The following CD2AP variants were observed in gnomAD, a reference collection of about 807,000 sequenced individuals.
CD2AP encodes the protein CD2 associated protein.
In CD2AP, 46 loss-of-function variants were observed where a neutral mutation model predicts 85.1. The observed-to-expected ratio is 0.54, with a 90% CI of 0.43 to 0.69. The LOEUF is 0.69. CD2AP is among the 30% of genes least tolerant of loss of function. The probability of loss-of-function intolerance (pLI) is 0.00; values close to 1 mark genes in which losing one functional copy is unlikely to be tolerated. For synonymous variants in CD2AP, 255 were observed against 252.9 expected (o/e 1.01, Z -0.08); for missense variants, 769 against 729.5 (o/e 1.05, Z -0.62).
chr6:47,574,054 A>G lies in CD2AP; in HGVS notation c.542-10A>G. The G allele has an allele frequency of 6.2e-7, 1 of 1,612,236 alleles. No individual in the cohort carries two copies. The highest frequency in any genetic ancestry group is 8.5e-7 in the Non-Finnish European group (1 of 1,178,318). The stretch of plus-strand genomic sequence containing the variant: ...AGGTGTCATTCTTCAAAAACAAATT[A>G]TTGTTTCAGAAACTGTTTTGGCTGG... On this transcript the variant is annotated splice_polypyrimidine_tract_variant and intron_variant, in intron 5 of 17. Coordinates refer to ENST00000359314, the MANE Select transcript of CD2AP (RefSeq NM_012120.3).
intron 3 of CD2AP, among the ~76,000 whole-genome samples, chr6:47,535,700 A>G (rs945633701): frequency 1.3e-5 from 2 of 152,190 alleles, no homozygotes; most frequent in African/African-American, 4.8e-5. Flanking sequence ...TCTGATGATG[A>G]TGAATTCTGA....
At chr6:47,492,614 C>G (rs980804194) in intron 1 of CD2AP, among the ~76,000 whole-genome samples, 5 of 152,058 alleles carry the variant, frequency 3.3e-5, no homozygotes, top group Non-Finnish European at 7.4e-5. Flanking sequence ...CAGGTGTGAG[C>G]TACTGTGCCT....
At chr6:47,522,928 C>T (rs1477412065) in intron 2 of CD2AP, among the ~76,000 whole-genome samples, 1 of 151,732 alleles carries the variant, frequency 6.6e-6, no homozygotes, top group Non-Finnish European at 1.5e-5. Context: ...TATATAGCTA[C>T]TTTGGAAAGT....
intron 14 of CD2AP, 169 bp from the exon 15 acceptor site, chr6:47,607,758 A>G (rs1769313955): frequency 1.9e-6 from 1 of 540,450 alleles, no homozygotes; most frequent in African/African-American, 1.9e-5. Context: ...AAGATATGCA[A>G]ATGTGTTATT....
intron 1 of CD2AP, among the ~76,000 whole-genome samples, chr6:47,487,328 C>A (rs1307209162): frequency 6.6e-6 from 1 of 152,022 alleles, no homozygotes; most frequent in Non-Finnish European, 1.5e-5. Context: ...ATTCTAAATT[C>A]CTATATGGAT....
At chr6:47,569,694 G>C (rs1472358411) in intron 5 of CD2AP, among the ~76,000 whole-genome samples, 1 of 152,046 alleles carries the variant, frequency 6.6e-6, no homozygotes, top group Non-Finnish European at 1.5e-5. Flanking sequence ...AGAAGAAAGT[G>C]CTCATTGCTG....
intron 2 of CD2AP, among the ~76,000 whole-genome samples, chr6:47,522,216 A>G (rs1338631545): frequency 1.3e-5 from 2 of 152,322 alleles, no homozygotes. Context: ...GCGCCAGAGC[A>G]CAGAGAGTCA....
At chr6:47,514,984 G>A (rs570080386) in intron 2 of CD2AP, among the ~76,000 whole-genome samples, 231 of 151,926 alleles carry the variant, frequency 1.5e-3, no homozygotes, top group African/African-American at 5.2e-3. Context: ...CCCAGGAGGC[G>A]GAGGTTGCAG....
intron 5 of CD2AP, chr6:47,562,552 A>C (rs868650491): frequency 1.6e-5 from 5 of 311,200 alleles, no homozygotes; most frequent in Non-Finnish European, 2.4e-5. Context: ...CCTTCCACCA[A>C]CAAGTCTTGC....
chr6:47,494,444 T>G (rs976459373), intron 1 of CD2AP, among the ~76,000 whole-genome samples: 3 of 152,176 alleles, frequency 2.0e-5, no homozygotes, highest in African/African-American at 4.8e-5. Flanking sequence ...TAAATCTCTG[T>G]TTTTTAGTGG....
At chr6:47,516,182 A>G (rs950256779) in intron 2 of CD2AP, among the ~76,000 whole-genome samples, 1 of 152,176 alleles carries the variant, frequency 6.6e-6, no homozygotes, top group African/African-American at 2.4e-5. Context: ...GCACAAGGAA[A>G]GACTACATCC....
At chr6:47,588,586 G>A (rs1768692287) in intron 11 of CD2AP, among the ~76,000 whole-genome samples, 1 of 152,092 alleles carries the variant, frequency 6.6e-6, no homozygotes, top group South Asian at 2.1e-4. Flanking sequence ...GCAAAGAACA[G>A]AAAATCCTTA....
intron 2 of CD2AP, among the ~76,000 whole-genome samples, chr6:47,531,799 G>A (rs1026041608): frequency 1.3e-4 from 20 of 152,054 alleles, no homozygotes; most frequent in African/African-American, 4.6e-4. Flanking sequence ...TCGGCCGGGC[G>A]TGGTGGCTCA....
intron 17 of CD2AP, among the ~76,000 whole-genome samples, chr6:47,614,410 T>A (rs1179538790): frequency 6.6e-6 from 1 of 152,168 alleles, no homozygotes; most frequent in Admixed American, 6.5e-5. Flanking sequence ...GTGTTCTATC[T>A]CAGATAATAA....
chr6:47,503,543 G>A (rs1413156842), intron 2 of CD2AP, 103 bp downstream of exon 2: 2 of 1,068,216 alleles, frequency 1.9e-6, no homozygotes, highest in East Asian at 2.6e-5. Flanking sequence ...TTAGATAAAT[G>A]TTTTCTTTGT....
At chr6:47,556,495 G>T (rs1411087849) in intron 5 of CD2AP, among the ~76,000 whole-genome samples, 1 of 151,860 alleles carries the variant, frequency 6.6e-6, no homozygotes, top group Admixed American at 6.6e-5. Flanking sequence ...TTACAGGCAT[G>T]TGCCACCACG....
At chr6:47,619,135 C>T (rs1174664779) in intron 17 of CD2AP, among the ~76,000 whole-genome samples, 1 of 152,110 alleles carries the variant, frequency 6.6e-6, no homozygotes, top group Non-Finnish European at 1.5e-5. Flanking sequence ...TGAGTAAGTT[C>T]TTTAGTGGTG....
intron 2 of CD2AP, among the ~76,000 whole-genome samples, chr6:47,529,183 G>T (rs1766804778): frequency 1.2e-4 from 7 of 60,158 alleles, no homozygotes; most frequent in Non-Finnish European, 1.6e-4. Context: ...CTCTAGTACT[G>T]CCCCCCCCCC....
At chr6:47,605,899 AT>A in intron 13 of CD2AP, among the ~76,000 whole-genome samples, 2 of 152,018 alleles carry the variant, frequency 1.3e-5, no homozygotes, top group East Asian at 3.9e-4. Context: ...TTTTGTTGAG[AT>A]CTAGGTCTCT....
Sources: allele counts gnomAD v4.1 joint callset (sites outside exome capture counted in the v4.1 genomes callset), GRCh38; gene constraint gnomAD v4.1.1; transcripts MANE v1.5; gene names NCBI Gene and HGNC (gene_info 2026-07-23, HGNC 2026-07-21).